Variants in PRSS50 observed in about 807,000 individuals in gnomAD.
The protein encoded by PRSS50 is probable threonine protease PRSS50.
PRSS50 carries 23 observed loss-of-function variants against 34.2 expected under a neutral mutation model. The observed-to-expected ratio is 0.67, with a 90% CI of 0.48 to 0.95. PRSS50 has a LOEUF of 0.95. PRSS50 is among the 40% of genes least tolerant of loss of function. The probability of loss-of-function intolerance (pLI) is 0.00; values close to 1 mark genes in which losing one functional copy is unlikely to be tolerated. For synonymous variants in PRSS50, 224 were observed against 211.2 expected (o/e 1.06, Z -0.53); for missense variants, 484 against 513.4 (o/e 0.94, Z 0.55).
In PRSS50 at chr3:46,715,396, A is replaced by G. The variant is rs1303281333; in HGVS notation, c.470+139T>C. 11 of 1,143,660 alleles carry G rather than the reference A, an allele frequency of 9.6e-6. No individual in the cohort carries two copies. The allele number at this position is 1,143,660 out of a possible 1,614,324, so 70.8% of individuals were successfully genotyped here. A position where few individuals can be genotyped will look rare whatever the true frequency, so the allele number is the denominator to read the frequency against. ...CTGGAGCTCTGAAGGAATTTTCAGGACTCAGCCTCCACCTGCTTGGAGCCC... is the reference window on the plus strand; with the variant it reads ...CTGGAGCTCTGAAGGAATTTTCAGGGCTCAGCCTCCACCTGCTTGGAGCCC... On this transcript the variant is annotated intron_variant, in intron 3 of 5. Coordinates refer to ENST00000315170, the MANE Select transcript of PRSS50 (RefSeq NM_013270.5). The surrounding 1 kb of genome is among the most constrained non-coding windows in gnomAD (Gnocchi z 5.2).
Position 46,713,064 on chromosome 3 carries a change from A to T in PRSS50, c.758T>A (p.Met253Lys). The change falls in exon 5 of 6, where the codon ATG becomes AAG. Residue 253 changes from methionine to lysine, a missense_variant. Coordinates refer to ENST00000315170, the MANE Select transcript of PRSS50 (RefSeq NM_013270.5). ...TGWGLSKADGMWPQFRTIQEK... is the reference protein window; with the variant it reads ...TGWGLSKADGKWPQFRTIQEK... ...CTGAATGGTCCGGAACTGAGGCCAC[A>T]TGCCTGTGGGACAGGGCCCCATTTA... 6.2e-7 allele frequency: 1 copy of T among 1,613,878 alleles called. No individual in the cohort carries two copies. The highest frequency in any genetic ancestry group is 8.5e-7 in the Non-Finnish European group (1 of 1,179,852).
Position 46,714,299 on chromosome 3 carries a change from T to C in PRSS50, c.673A>G (p.Ile225Val), listed in dbSNP as rs1281335055. The change falls in exon 4 of 6, where the codon ATC (isoleucine) becomes GTC (valine). Residue 225 changes from isoleucine (I) to valine (V), a missense_variant. Ile to Val is a conservative substitution (Grantham distance 29). Transcript: ENST00000315170. Reference sequence around the variant, plus strand: ...ACATAGTCCGTGCCAGGCAGGCAGATGGGCCGCACGTAATTGCTGTACTTG... The same window carrying C: ...ACATAGTCCGTGCCAGGCAGGCAGACGGGCCGCACGTAATTGCTGTACTTG... ...ELKYSNYVRP[I>V]CLPGTDYVLK... 1.2e-6 allele frequency: 2 copies of C among 1,614,162 alleles called. No homozygotes were observed. Among genetic ancestry groups the C allele is most frequent in the Non-Finnish European group, 1.7e-6 (2 of 1,180,044 alleles).
At position 46,716,529 on chromosome 3, in the gene PRSS50, G is replaced by A. The variant is rs565422250; in HGVS notation, c.308-832C>T. 3.4e-4 allele frequency among the ~76,000 whole-genome samples: 52 copies of A among 152,242 alleles called. No homozygotes were observed. Among genetic ancestry groups the A allele is most frequent in the African/African-American group, 1.3e-3 (52 of 41,532 alleles). On this transcript the variant is annotated intron_variant, in intron 2 of 5. Coordinates refer to ENST00000315170, the MANE Select transcript of PRSS50 (RefSeq NM_013270.5). This position sits in a 1 kb window ranked among gnomAD's most constrained non-coding sequence, Gnocchi z 4.4. ...TCTTACTGCCTCAGCCTCCAAAAGC[G>A]CTGGGATTATAAGCATGACCCACTA...
chr3:46,715,521 C>T lies in PRSS50; in HGVS notation c.470+14G>A, dbSNP rs368501485. ...AAATACCTCTCCACCCACCCCACCT[C>T]AGCCTTGACTCACCAGATCAGGCAG... On this transcript the variant is annotated intron_variant, in intron 3 of 5. Transcript: ENST00000315170. This position sits in a 1 kb window ranked among gnomAD's most constrained non-coding sequence, Gnocchi z 5.2. 1 of 1,605,668 alleles carries T rather than the reference C, an allele frequency of 6.2e-7. No individual in the cohort carries two copies.
At chr3:46,713,393 A>C (rs1700643567) in intron 4 of PRSS50, among the ~76,000 whole-genome samples, 1 of 151,926 alleles carries the variant, frequency 6.6e-6, no homozygotes, top group Non-Finnish European at 1.5e-5. Flanking sequence ...CCTTCTCTTC[A>C]AGCATCCCTT....
rs1485373987 is a variant in PRSS50, at chr3:46,712,217, G to A, written c.*29C>T. The A allele has an allele frequency of 1.3e-6, 2 of 1,563,718 alleles. No homozygotes were observed. Among genetic ancestry groups the A allele is most frequent in the Admixed American group, 3.5e-5 (2 of 56,586 alleles). On this transcript the variant is annotated 3_prime_UTR_variant, in exon 6 of 6. Coordinates refer to ENST00000315170, the MANE Select transcript of PRSS50 (RefSeq NM_013270.5). Reference sequence around the variant, plus strand: ...GCAACCTGGGCACGGAGGCAAGGGGGGCCCACAAGTGAGGGAGGGCACACA... The same window carrying A: ...GCAACCTGGGCACGGAGGCAAGGGGAGCCCACAAGTGAGGGAGGGCACACA...
rs1164609197 is a variant in PRSS50, at chr3:46,715,083, T to G, written c.470+452A>C. Among the ~76,000 whole-genome samples the G allele has an allele frequency of 6.6e-6, 1 of 152,222 alleles. No homozygotes were observed. Among genetic ancestry groups the G allele is most frequent in the Non-Finnish European group, 1.5e-5 (1 of 68,036 alleles). ...CCAGGCACCCTTGTGAGCATCTATC[T>G]TCCTTTCTGTCTCCCCCAACAAGCT... On this transcript the variant is annotated intron_variant, in intron 3 of 5. Transcript: ENST00000315170. The surrounding 1 kb of genome is among the most constrained non-coding windows in gnomAD (Gnocchi z 5.2).
At chr3:46,713,333 G>A (rs951655524) in intron 4 of PRSS50, among the ~76,000 whole-genome samples, 14 of 152,118 alleles carry the variant, frequency 9.2e-5, no homozygotes, top group Admixed American at 2.6e-4. Flanking sequence ...CACCACACTC[G>A]GCCTCTTGGC....
Position 46,714,282 on chromosome 3 carries a change from C to G in PRSS50, c.690G>C (p.Thr230=), listed in dbSNP as rs561610741. 7.5e-5 allele frequency: 121 copies of G among 1,614,144 alleles called. No individual in the cohort carries two copies. The South Asian group carries it at 1.3e-3, about 17-fold the overall frequency. ...NYVRPICLPG[T]DYVLKDHSRC... ...GGGAATGGTCCTTCAACACATAGTC[C>G]GTGCCAGGCAGGCAGATGGGCCGCA... Residue 230 remains threonine, a synonymous_variant, in exon 4 of 6, where the codon ACG becomes ACC. Transcript: ENST00000315170.
rs917787288 is a variant in PRSS50, at chr3:46,714,567, C to A, written c.471-66G>T. On this transcript the variant is annotated intron_variant, in intron 3 of 5. Transcript: ENST00000315170. ...CCCCTGCCCCAGCCTCCAGCCTGGG[C>A]CTTCCCCCACTCTGCTGCCCTCCCA... 8.2e-6 allele frequency: 12 copies of A among 1,466,642 alleles called. No homozygotes were observed. In the African/African-American group the frequency reaches 1.5e-4, roughly 19 times the overall value. The allele number at this position is 1,466,642 out of a possible 1,614,324, so 90.9% of individuals were successfully genotyped here. A position where few individuals can be genotyped will look rare whatever the true frequency, so the allele number is the denominator to read the frequency against.
chr3:46,712,863 T>G (rs1466374883), intron 5 of PRSS50, 38 bp downstream of exon 5: 2 of 1,575,464 alleles, frequency 1.3e-6, no homozygotes, highest in African/African-American at 1.4e-5. Context: ...CTCCCCCAGG[T>G]GCCCCTGAAG....
rs933113500 is a variant in PRSS50, at chr3:46,715,595, A to C, written c.410T>G (p.Ile137Ser). Residue 137 changes from isoleucine to serine, a missense_variant, in exon 3 of 6, where the codon ATC (isoleucine) becomes AGC (serine). Transcript: ENST00000315170. This position sits in a 1 kb window ranked among gnomAD's most constrained non-coding sequence, Gnocchi z 5.2. ...GGAGGCAATGATGGTGCCGGCACAG[A>C]TGTGTGTGCCATTGGCCCGCACGCT... ...MVSVRANGTHICAGTIIASQW... is the reference protein window; with the variant it reads ...MVSVRANGTHSCAGTIIASQW... 1 of 1,613,712 alleles carries C rather than the reference A, an allele frequency of 6.2e-7. No homozygotes were observed. Among genetic ancestry groups the C allele is most frequent in the Non-Finnish European group, 8.5e-7 (1 of 1,179,944 alleles).
intron 5 of PRSS50, 34 bp downstream of exon 5, chr3:46,712,867 C>T: frequency 6.2e-7 from 1 of 1,609,026 alleles, no homozygotes; most frequent in Non-Finnish European, 8.5e-7. Context: ...CCCAGGTGCC[C>T]CTGAAGGGGA....
rs1226446471 is a variant in PRSS50 at position 46,714,491 on chromosome 3, T to C, written c.481A>G (p.Ile161Val). The C allele has an allele frequency of 1.3e-6, 2 of 1,595,330 alleles. No individual in the cohort carries two copies. Among genetic ancestry groups the C allele is most frequent in the Non-Finnish European group, 1.7e-6 (2 of 1,172,440 alleles). Residue 161 changes from isoleucine to valine, a missense_variant, in exon 4 of 6, where the codon ATC (isoleucine) becomes GTC (valine). By Grantham distance (29) the Ile-to-Val change is conservative. Coordinates refer to ENST00000315170, the MANE Select transcript of PRSS50 (RefSeq NM_013270.5). ...VAHCLIWRDV[I>V]YSVRVGSPWI... ...GGACTCCCCACCCTCACTGAGTAGA[T>C]AACATCACGCCTAGGGGGGCCGTGA...
In PRSS50 at chr3:46,717,267, A is replaced by C. The variant is rs574557852; in HGVS notation, c.307+170T>G. Among the ~76,000 whole-genome samples, 1 of 152,296 alleles carries C rather than the reference A, an allele frequency of 6.6e-6. No homozygotes were observed. The highest frequency in any genetic ancestry group is 1.5e-5 in the Non-Finnish European group (1 of 68,018). ...CACCCAGAGCTCTGGGCCTCCAGAC[A>C]GGACCAGGCCTGACCCACAGGTGTT... On this transcript the variant is annotated intron_variant, in intron 2 of 5. Transcript: ENST00000315170. This position sits in a 1 kb window ranked among gnomAD's most constrained non-coding sequence, Gnocchi z 4.5.
In PRSS50 at chr3:46,712,235, G is replaced by A. The variant is rs1424492177; in HGVS notation, c.*11C>T. On this transcript the variant is annotated 3_prime_UTR_variant, in exon 6 of 6. Coordinates refer to ENST00000315170, the MANE Select transcript of PRSS50 (RefSeq NM_013270.5). ...CAAGGGGGGCCCACAAGTGAGGGAG[G>A]GCACACAGAGTCAGAGGGCAGCAAG... 1 of 1,597,216 alleles carries A rather than the reference G, an allele frequency of 6.3e-7. No homozygotes were observed. The highest frequency in any genetic ancestry group is 8.5e-7 in the Non-Finnish European group (1 of 1,170,562).
At chr3:46,712,592 G>A (rs1299195649) in intron 5 of PRSS50, 110 bp from the exon 6 acceptor site, 1 of 1,045,912 alleles carries the variant, frequency 9.6e-7, no homozygotes, top group Non-Finnish European at 1.4e-6. Context: ...CAGTCCCCCA[G>A]TGCCAACATA....
intron 4 of PRSS50, 81 bp from the exon 5 acceptor site, chr3:46,713,148 T>TC: frequency 1.3e-6 from 2 of 1,506,510 alleles, no homozygotes; most frequent in South Asian, 2.4e-5. Flanking sequence ...TCTCCACTGT[T>TC]CCCCACGTCC....
chr3:46,714,345 GA>G lies in PRSS50; in HGVS notation c.626del (p.Leu209ProfsTer26). 6.2e-7 allele frequency: 1 copy of G among 1,614,056 alleles called. No individual in the cohort carries two copies. The highest frequency in any genetic ancestry group is 8.5e-7 in the Non-Finnish European group (1 of 1,180,006). On this transcript the variant is annotated frameshift_variant, in exon 4 of 6. Coordinates refer to ENST00000315170, the MANE Select transcript of PRSS50 (RefSeq NM_013270.5). LOFTEE classifies it high-confidence loss of function. ...ACTTGAGTTCCTGCTTGAGCTTGAG[GA>G]GGCCGATGTCGTTGGCCTGGCCCAC... ...SWVGQANDIG[L>X]LKLKQELKYS...
Sources: allele counts gnomAD v4.1 joint callset (sites outside exome capture counted in the v4.1 genomes callset), GRCh38; gene constraint gnomAD v4.1.1; non-coding constraint Gnocchi (gnomAD v3.1); transcripts MANE v1.5; gene names NCBI Gene and HGNC (gene_info 2026-07-23, HGNC 2026-07-21).